Variants in ZNF676 observed in about 807,000 individuals in gnomAD.
ZNF676 encodes zinc finger protein 676.
A neutral mutation model predicts 6.0 loss-of-function variants in ZNF676; 4 were observed. That is an observed-to-expected ratio of 0.67 (90% CI 0.33 to 1.53). The LOEUF is 1.53. ZNF676 is among the 40% of genes most tolerant of loss of function. The pLI, the probability that ZNF676 is intolerant of heterozygous loss-of-function variation, is 0.06. For synonymous variants in ZNF676, 198 were observed against 223.1 expected, an observed-to-expected ratio of 0.89 and a Z score of 1.00; for missense variants, 644 against 679.7, an observed-to-expected ratio of 0.95 and a Z score of 0.58.
chr19:22,250,333 AAGAC>A, the ZNF676 span, among the ~76,000 whole-genome samples: 1 of 152,180 alleles, frequency 6.6e-6, no homozygotes, highest in African/African-American at 2.4e-5. Flanking sequence ...CAAGAAAAAA[AAGAC>A]AGGAGACAAA....
intron 1 of ZNF676, among the ~76,000 whole-genome samples, chr19:22,195,296 G>A: frequency 6.6e-6 from 1 of 152,162 alleles, no homozygotes; most frequent in East Asian, 1.9e-4. Flanking sequence ...AGGAGCCGAT[G>A]TGTCAGTAAT....
chr19:22,209,216 C>T (rs2024106595), intron 1 of ZNF676, among the ~76,000 whole-genome samples: 1 of 151,868 alleles, frequency 6.6e-6, no homozygotes, highest in Non-Finnish European at 1.5e-5. Flanking sequence ...GAACTGAGAT[C>T]ATGCCACTGC....
the ZNF676 span, among the ~76,000 whole-genome samples, chr19:22,249,764 T>G: frequency 0.015 from 9 of 586 alleles, no homozygotes; most frequent in Admixed American, 0.16. Flanking sequence ...TACAACGGGT[T>G]TTTTTTTTTT....
chr19:22,225,952 A>G, the ZNF676 span, among the ~76,000 whole-genome samples: 1 of 151,802 alleles, frequency 6.6e-6, no homozygotes, highest in Non-Finnish European at 1.5e-5. Flanking sequence ...TTTCAGTTAA[A>G]TTTTTCTGTT....
chr19:22,210,344 C>T (rs1424117156), intron 1 of ZNF676, among the ~76,000 whole-genome samples: 1 of 152,024 alleles, frequency 6.6e-6, no homozygotes, highest in East Asian at 1.9e-4. Flanking sequence ...ACTGCAGATG[C>T]CAGTCACAAA....
At chr19:22,245,147 T>A in the ZNF676 span, 1 of 151,904 alleles carries the variant, frequency 6.6e-6, no homozygotes, top group Non-Finnish European at 1.5e-5. Flanking sequence ...CCTTGAGAGG[T>A]GAGCCCAGGA....
At chr19:22,247,644 G>A in the ZNF676 span, among the ~76,000 whole-genome samples, 1 of 152,006 alleles carries the variant, frequency 6.6e-6, no homozygotes, top group Non-Finnish European at 1.5e-5. Flanking sequence ...GGCAGGCCAG[G>A]CACGGTGGCT....
chr19:22,234,996 GAAAGAAAGAAAGAAAGAAAGA>G, the ZNF676 span, among the ~76,000 whole-genome samples: 1 of 108,834 alleles, frequency 9.2e-6, no homozygotes, highest in South Asian at 3.4e-4. Context: ...AAGAAAGAAA[GAAAGAAAGAAAGAAAGAAAGA>G]AAGAAAGAAA....
Position 22,179,382 on chromosome 19 carries a change from G to C in ZNF676, c.*568C>G, listed in dbSNP as rs1466687572. Reference sequence around the variant, plus strand: ...CACATGCATGGTTTCTCTCCAGTATGAGTTGTCTTATATGTAGTAAGCCTT... The same window carrying C: ...CACATGCATGGTTTCTCTCCAGTATCAGTTGTCTTATATGTAGTAAGCCTT... On this transcript the variant is annotated 3_prime_UTR_variant, in exon 3 of 3. Transcript: ENST00000397121. 1 of 265,884 alleles carries C rather than the reference G, an allele frequency of 3.8e-6. No homozygotes were observed. The highest frequency in any genetic ancestry group is 7.5e-6 in the Non-Finnish European group (1 of 134,056). 16.5% of individuals were successfully genotyped at this position (265,884 alleles called of 1,614,324 possible). A position where few individuals can be genotyped will look rare whatever the true frequency, so the allele number is the denominator to read the frequency against.
At chr19:22,256,351 T>C in the ZNF676 span, among the ~76,000 whole-genome samples, 8 of 151,722 alleles carry the variant, frequency 5.3e-5, no homozygotes, top group African/African-American at 1.7e-4. Flanking sequence ...AGGAGAGGAC[T>C]ATCACCTGGG....
At chr19:22,240,158 TCATCTA>T in the ZNF676 span, among the ~76,000 whole-genome samples, 1 of 152,172 alleles carries the variant, frequency 6.6e-6, no homozygotes, top group African/African-American at 2.4e-5. Context: ...TAGAGTCACA[TCATCTA>T]CATGTTGGGA....
intron 2 of ZNF676, among the ~76,000 whole-genome samples, chr19:22,182,585 TA>T (rs67699215): frequency 0.13 from 5,980 of 45,058 alleles, 286 homozygotes; most frequent in African/African-American, 0.27. Context: ...GTCAAAGTTC[TA>T]AAAAAAAAAA....
At chr19:22,215,557 C>T in intron 1 of ZNF676, 1 of 1,551,026 alleles carries the variant, frequency 6.4e-7, no homozygotes, top group Non-Finnish European at 8.9e-7. Flanking sequence ...AGGCTTGAGT[C>T]CCGCCACAGC....
chr19:22,237,385 T>A, the ZNF676 span, among the ~76,000 whole-genome samples: 1 of 152,210 alleles, frequency 6.6e-6, no homozygotes, highest in Non-Finnish European at 1.5e-5. Context: ...CCTTCCACCA[T>A]AATCCCACAC....
chr19:22,222,557 A>T, the ZNF676 span, among the ~76,000 whole-genome samples: 2 of 152,194 alleles, frequency 1.3e-5, no homozygotes, highest in Non-Finnish European at 2.9e-5. Context: ...GTTAAAGTAG[A>T]AGCATTGACA....
chr19:22,219,218 C>T (rs1478700163), upstream of ZNF676, among the ~76,000 whole-genome samples: 1 of 151,880 alleles, frequency 6.6e-6, no homozygotes, highest in East Asian at 1.9e-4. Flanking sequence ...CCTGTCTCAG[C>T]CTCCCTTGTA....
chr19:22,230,559 G>A, the ZNF676 span, among the ~76,000 whole-genome samples: 1 of 151,268 alleles, frequency 6.6e-6, no homozygotes, highest in African/African-American at 2.4e-5. Flanking sequence ...AATGACTCAA[G>A]AAAATGACAC....
chr19:22,180,151 T>C lies in ZNF676; in HGVS notation c.1566A>G (p.Glu522=), dbSNP rs550172598. The C allele has an allele frequency of 2.5e-6, 4 of 1,613,712 alleles. No individual in the cohort carries two copies. In the South Asian group the frequency reaches 4.4e-5, roughly 18 times the overall value. ...TCTCTCCAGTATGAATTATCTTATG[T>C]TCAGTAAGGATCGAGGACCAGCTGA... is the stretch of plus-strand genomic sequence containing the variant. ...KAFSWSSILT[E]HKIIHTGEKP... Residue 522 remains glutamate, a synonymous_variant, in exon 3 of 3, where the codon GAA becomes GAG. Coordinates refer to ENST00000397121, the MANE Select transcript of ZNF676 (RefSeq NM_001001411.3).
chr19:22,236,311 G>A, the ZNF676 span, among the ~76,000 whole-genome samples: 1 of 152,092 alleles, frequency 6.6e-6, no homozygotes, highest in African/African-American at 2.4e-5. Context: ...TGACCACAGA[G>A]TGAGTCTTGG....
Sources: allele counts gnomAD v4.1 joint callset (sites outside exome capture counted in the v4.1 genomes callset), GRCh38; gene constraint gnomAD v4.1.1; transcripts MANE v1.5; gene names NCBI Gene and HGNC (gene_info 2026-07-23, HGNC 2026-07-21).